The following PAN2 variants were observed in gnomAD, a reference collection of about 807,000 sequenced individuals.
The protein encoded by PAN2 is PAN2-PAN3 deadenylation complex catalytic subunit PAN2.
Under a neutral mutation model 133.3 loss-of-function variants are expected in PAN2, and 68 were observed. That is an observed-to-expected ratio of 0.51 (90% CI 0.42 to 0.62). PAN2 has a LOEUF of 0.62. PAN2 is among the 20% of genes least tolerant of loss of function. The pLI, the probability that PAN2 is intolerant of heterozygous loss-of-function variation, is 0.00. For synonymous variants in PAN2, 462 were observed against 544.6 expected (o/e 0.85, Z 2.11); for missense variants, 1,042 against 1,500.5 (o/e 0.69, Z 5.05).
Position 56,327,345 on chromosome 12 carries a change from T to A in PAN2, c.919+19A>T, listed in dbSNP as rs190532973. The A allele has an allele frequency of 2.5e-5, 40 of 1,612,936 alleles. No homozygotes were observed. The African/African-American group carries it at 2.8e-4, about 11-fold the overall frequency. ...TTGCTCATCGATCCCTCCTACCCAA[T>A]CCCATATGCCCTTCATACCTGACTG... On this transcript the variant is annotated intron_variant, in intron 6 of 25. Coordinates refer to ENST00000440411, the MANE Select transcript of PAN2 (RefSeq NM_014871.6).
At chr12:56,328,442 TTC>T (rs745438467) in intron 3 of PAN2, 28 bp downstream of exon 3, 1 of 1,612,090 alleles carries the variant, frequency 6.2e-7, no homozygotes, top group Non-Finnish European at 8.5e-7. Flanking sequence ...GGCATCCTCG[TTC>T]CTAGTCCAGA....
intron 2 of PAN2, among the ~76,000 whole-genome samples, chr12:56,330,770 G>A (rs1255934969): frequency 2.6e-5 from 4 of 151,852 alleles, no homozygotes. Flanking sequence ...CGGGATTACA[G>A]GTGCCACTGT....
Position 56,324,045 on chromosome 12 carries a change from C to T in PAN2, c.2065+4G>A. 2 of 1,614,194 alleles carry T rather than the reference C, an allele frequency of 1.2e-6. No individual in the cohort carries two copies. Among genetic ancestry groups the T allele is most frequent in the Non-Finnish European group, 8.5e-7 (1 of 1,180,006 alleles). Reference sequence around the variant, plus strand: ...TGAGCTGAAGGGTATACCACTTTTGCTACCATCAGGGTAGGAGAGTGTGAA... The same window carrying T: ...TGAGCTGAAGGGTATACCACTTTTGTTACCATCAGGGTAGGAGAGTGTGAA... On this transcript the variant is annotated splice_donor_region_variant and intron_variant, in intron 13 of 25. Transcript: ENST00000440411.
intron 25 of PAN2, 22 bp from the exon 26 acceptor site, chr12:56,317,665 G>C: frequency 6.2e-7 from 1 of 1,610,798 alleles, no homozygotes; most frequent in South Asian, 1.1e-5. Flanking sequence ...AAAACCAAAA[G>C]CATGATTCAA....
intron 5 of PAN2, 26 bp from the exon 6 acceptor site, chr12:56,327,657 G>C (rs747288944): frequency 1.2e-5 from 19 of 1,609,276 alleles, no homozygotes; most frequent in East Asian, 2.2e-5. Flanking sequence ...TCAGTTATCT[G>C]CAAATTCTGT....
chr12:56,320,053 T>C, intron 20 of PAN2, 32 bp from the exon 21 acceptor site: 2 of 1,611,960 alleles, frequency 1.2e-6, no homozygotes, highest in South Asian at 1.1e-5. Context: ...ACACAGGGCT[T>C]GGATAGGGAA....
chr12:56,328,222 T>G lies in PAN2; in HGVS notation c.573+16A>C. On this transcript the variant is annotated intron_variant, in intron 4 of 25. Transcript: ENST00000440411. ...CCTCAGACCCCACATAGGTCTTTCTTGCCCCAAGCTTGTACCTTCTGAGTC... is the reference window on the plus strand; with the variant it reads ...CCTCAGACCCCACATAGGTCTTTCTGGCCCCAAGCTTGTACCTTCTGAGTC... 6.3e-7 allele frequency: 1 copy of G among 1,586,178 alleles called. No individual in the cohort carries two copies. The highest frequency in any genetic ancestry group is 8.6e-7 in the Non-Finnish European group (1 of 1,163,738).
At chr12:56,324,978 C>G in intron 10 of PAN2, 31 bp downstream of exon 10, 5 of 1,610,692 alleles carry the variant, frequency 3.1e-6, no homozygotes, top group Non-Finnish European at 4.2e-6. Context: ...GCAGCAGGCA[C>G]GTTCAAGTTA....
At position 56,316,953 on chromosome 12, in the gene PAN2, G is replaced by A. The variant is rs1874006836; in HGVS notation, c.*656C>T. 1 of 152,116 alleles carries A rather than the reference G, an allele frequency of 6.6e-6. No homozygotes were observed. The highest frequency in any genetic ancestry group is 2.4e-5 in the African/African-American group (1 of 41,402). 9.4% of individuals were successfully genotyped at this position (152,116 alleles called of 1,614,324 possible). ...TTCTCTAATGAGATAAATAACAAAC[G>A]ATATTTTATTTTTATTTTATAAAAC... On this transcript the variant is annotated 3_prime_UTR_variant, in exon 26 of 26. Transcript: ENST00000440411.
chr12:56,318,376 C>G lies in PAN2; in HGVS notation c.3423G>C (p.Gln1141His). The change falls in exon 25 of 26, where the codon CAG (glutamine) becomes CAC (histidine). Residue 1141 changes from glutamine (Q) to histidine (H), a missense_variant. By Grantham distance (24) the Gln-to-His change is conservative. Around this residue, in one of 3 missense-constraint regions of PAN2, gnomAD observed 85 missense variants for 116.5 expected, o/e 0.73. Transcript: ENST00000440411. The stretch of plus-strand genomic sequence containing the variant: ...TTAGCTCCAGATACTTTCGGTACAG[C>G]TGAAGGGCTGTGCGGGCATCCTCAA... ...DSIEDARTAL[Q>H]LYRKYLELSK... is the part of the protein sequence containing the mutation. The G allele has an allele frequency of 1.2e-6, 2 of 1,614,100 alleles. No individual in the cohort carries two copies. The highest frequency in any genetic ancestry group is 1.7e-6 in the Non-Finnish European group (2 of 1,180,000).
rs747161162 is a variant in PAN2, at chr12:56,317,660, C to G, written c.3563-17G>C. 1.9e-5 allele frequency: 31 copies of G among 1,611,666 alleles called. No individual in the cohort carries two copies. The South Asian group carries it at 3.2e-4, about 17-fold the overall frequency. ...CAGCTGCATCTGTCAGAGACAAAAC[C>G]AAAAGCATGATTCAAGCTGAGTGGA... On this transcript the variant is annotated splice_polypyrimidine_tract_variant and intron_variant, in intron 25 of 25. Transcript: ENST00000440411.
At chr12:56,325,596 A>G (rs1378504086) in intron 8 of PAN2, 142 bp from the exon 9 acceptor site, 1 of 878,164 alleles carries the variant, frequency 1.1e-6, no homozygotes, top group Admixed American at 2.4e-5. Flanking sequence ...CTTCCTTTCT[A>G]TTTCCACTGC....
At chr12:56,325,210 C>G in intron 9 of PAN2, 82 bp from the exon 10 acceptor site, 1 of 1,580,372 alleles carries the variant, frequency 6.3e-7, no homozygotes, top group Admixed American at 1.7e-5. Flanking sequence ...TTTCCTAGAG[C>G]CTTCCTCCTG....
chr12:56,330,907 T>A (rs1303513812), intron 2 of PAN2, among the ~76,000 whole-genome samples: 2 of 152,128 alleles, frequency 1.3e-5, no homozygotes, highest in African/African-American at 4.8e-5. Flanking sequence ...CAAGCAATTC[T>A]CCTGCTTCAG....
rs768673852 is a variant in PAN2, at chr12:56,332,782, T to C, written c.282+31A>G. 3.1e-6 allele frequency: 5 copies of C among 1,604,804 alleles called. No homozygotes were observed. In the Admixed American group the frequency reaches 8.4e-5, roughly 27 times the overall value. ...GACCAGATAAAGACCTTCAACATCT[T>C]TCAACCCTCACAAAGGGGTACAGTT... On this transcript the variant is annotated intron_variant, in intron 2 of 25. Transcript: ENST00000440411.
rs1219532286 is a variant in PAN2, at chr12:56,323,031, T to C, written c.2493+31A>G. The C allele has an allele frequency of 3.1e-6, 5 of 1,612,748 alleles. No homozygotes were observed. In the East Asian group the frequency reaches 1.1e-4, roughly 36 times the overall value. ...CTTCTGCCCCACCTTCTCTCCCTTA[T>C]TCCCTTTCCTCTTCCCGGTTTTTCA... On this transcript the variant is annotated intron_variant, in intron 17 of 25. Transcript: ENST00000440411.
In PAN2 at chr12:56,323,088, T is replaced by C. The variant is rs1874743221; in HGVS notation, c.2467A>G (p.Asn823Asp). The C allele has an allele frequency of 6.2e-7, 1 of 1,614,136 alleles. No homozygotes were observed. The highest frequency in any genetic ancestry group is 8.5e-7 in the Non-Finnish European group (1 of 1,180,040). The change falls in exon 17 of 26, where the codon AAT becomes GAT. Residue 823 changes from asparagine to aspartate, a missense_variant. Physicochemically the swap from Asn to Asp is conservative, Grantham distance 23. Transcript: ENST00000440411. ...TGCATCTCATCCCCATCAGTCCAATTGCAAACATCCAGCCCTTTGTTTTTG... is the reference window on the plus strand; with the variant it reads ...TGCATCTCATCCCCATCAGTCCAATCGCAAACATCCAGCCCTTTGTTTTTG... ...MTKNKGLDVC[N>D]WTDGDEMQWG...
chr12:56,327,489 C>T lies in PAN2; in HGVS notation c.794G>A (p.Arg265His), dbSNP rs1458171397. ...GCGCAAATCATACACCTTGAGGAAA[C>T]GGTCGCAGGCCAGGCCAGTGAGGCG... ...SSRLTGLACD[R>H]FLKVYDLRMM... The change falls in exon 6 of 26, where the codon CGT becomes CAT. Residue 265 changes from arginine (R) to histidine (H), a missense_variant. Coordinates refer to ENST00000440411, the MANE Select transcript of PAN2 (RefSeq NM_014871.6). 10 of 1,614,062 alleles carry T rather than the reference C, an allele frequency of 6.2e-6. No individual in the cohort carries two copies. The highest frequency in any genetic ancestry group is 2.2e-5 in the East Asian group (1 of 44,892).
chr12:56,328,772 G>C, intron 2 of PAN2, 131 bp from the exon 3 acceptor site: 1 of 634,322 alleles, frequency 1.6e-6, no homozygotes, highest in Non-Finnish European at 2.7e-6. Context: ...GAGCAACTGG[G>C]GCAAAAGGCT....
Sources: gnomAD v4.1 joint callset for allele counts (sites outside exome capture counted in the v4.1 genomes callset) on GRCh38, gnomAD v4.1.1 for gene constraint, gnomAD v4.1.1 regional missense constraint, MANE v1.5 for transcripts, NCBI Gene and HGNC (gene_info 2026-07-23, HGNC 2026-07-21) for gene names.